NLRX1: variants seen among roughly 807,000 people sequenced by gnomAD.
NLRX1 encodes the protein NOD-like receptor X1.
A neutral mutation model predicts 74.2 loss-of-function variants in NLRX1; 67 were observed. That is an observed-to-expected ratio of 0.90 (90% confidence interval 0.74 to 1.11). The LOEUF (loss-of-function observed/expected upper bound fraction) is 1.11, where lower values mean the gene tolerates loss of function less well. NLRX1 is among the 50% of genes least tolerant of loss of function. The pLI is 0.00. For missense variants in NLRX1, 1,191 were observed against 1,305.4 expected (o/e 0.91, Z 1.35); for synonymous variants, 506 against 559.1 (o/e 0.91, Z 1.34).
At chr11:119,181,346 C>A in intron 8 of NLRX1, 89 bp downstream of exon 8, 3 of 972,728 alleles carry the variant, frequency 3.1e-6, no homozygotes, top group Non-Finnish European at 4.9e-6. Context: ...ACAGACCCAC[C>A]CAAGGGATAG....
At position 119,173,771 on chromosome 11, in the gene NLRX1, G is replaced by T. The variant is rs760878238; in HGVS notation, c.522G>T (p.Thr174=). The change falls in exon 5 of 10, where the codon ACG becomes ACT. Residue 174 remains threonine, a synonymous_variant. Coordinates refer to ENST00000409109, the MANE Select transcript of NLRX1 (RefSeq NM_001282144.2). This position sits in a 1 kb window ranked among gnomAD's most constrained non-coding sequence, Gnocchi z 4.0. ...GGACAGTGGGCACAGGCAAGAGCAC[G>T]CTGGTGCGCAAGATGGTTCTGGACT... The part of the protein sequence containing the change: ...LYGTVGTGKS[T]LVRKMVLDWC... 33 of 1,613,598 alleles carry T rather than the reference G, an allele frequency of 2.0e-5. No individual in the cohort carries two copies. The highest frequency in any genetic ancestry group is 2.5e-5 in the Non-Finnish European group (30 of 1,180,034).
intron 6 of NLRX1, among the ~76,000 whole-genome samples, chr11:119,175,923 A>C (rs982326570): frequency 6.6e-6 from 1 of 152,144 alleles, no homozygotes; most frequent in Admixed American, 6.6e-5. Context: ...ATCAGTGTTC[A>C]TCCTTTTGTT....
rs997481031 is a variant in NLRX1 at position 119,172,663 on chromosome 11, A to G, written c.140+238A>G. ...CTGTGGGAAGTGGGTGGAGCCTCAC[A>G]TGGCCAGCCTGAGTTCCAGGCGGGC... On this transcript the variant is annotated intron_variant, in intron 3 of 9. Transcript: ENST00000409109. 2.6e-5 allele frequency among the ~76,000 whole-genome samples: 4 copies of G among 152,154 alleles called. No homozygotes were observed. The East Asian group carries it at 7.7e-4, about 29-fold the overall frequency.
chr11:119,174,104 T>C lies in NLRX1; in HGVS notation c.849+6T>C, dbSNP rs1346870615. 1.9e-6 allele frequency: 3 copies of C among 1,612,722 alleles called. No individual in the cohort carries two copies. The Admixed American group carries it at 5.0e-5, about 27-fold the overall frequency. ...GCAAATACATGCTGCCTCAGGTGGG[T>C]GGCCCTTTACCCCAGGTTATCACTG... On this transcript the variant is annotated splice_donor_region_variant and intron_variant, in intron 5 of 9. Transcript: ENST00000409109.
At chr11:119,175,858 C>T (rs1345932938) in intron 6 of NLRX1, among the ~76,000 whole-genome samples, 5 of 152,124 alleles carry the variant, frequency 3.3e-5, no homozygotes, top group Non-Finnish European at 5.9e-5. Flanking sequence ...CACAGCTGAG[C>T]GAGGTCTTTG....
At position 119,172,362 on chromosome 11, in the gene NLRX1, G is replaced by A. The variant is rs60612369; in HGVS notation, c.77G>A (p.Arg26His). ...TTCTTCCTTCTCTCTGTAGATGATC[G>A]TATCCCCTTCCTGATCCACTGGAGT... is the stretch of plus-strand genomic sequence containing the variant. ...FRRALQRPDD[R>H]IPFLIHWSWP... Residue 26 changes from arginine to histidine, a missense_variant, in exon 3 of 10, where the codon CGT becomes CAT. Coordinates refer to ENST00000409109, the MANE Select transcript of NLRX1 (RefSeq NM_001282144.2). The A allele has an allele frequency of 1.5e-3, 2,350 of 1,613,108 alleles. 40 individuals are homozygous for A. The African/African-American group carries it at 0.028, about 19-fold the overall frequency.
chr11:119,179,941 T>C lies in NLRX1; in HGVS notation c.1920T>C (p.Ala640=). 4 of 1,613,218 alleles carry C rather than the reference T, an allele frequency of 2.5e-6. No individual in the cohort carries two copies. The South Asian group carries it at 4.4e-5, about 18-fold the overall frequency. Residue 640 remains alanine, a synonymous_variant, in exon 7 of 10, where the codon GCT becomes GCC. Coordinates refer to ENST00000409109, the MANE Select transcript of NLRX1 (RefSeq NM_001282144.2). ...LLSAHNRAVL[A]QLGCPIKNLD... ...CTGCCCACAACCGAGCTGTGCTAGC[T>C]CAGCTTGGCTGCCCCATCAAGAACC...
Position 119,174,868 on chromosome 11 carries a change from T to C in NLRX1, c.1265T>C (p.Met422Thr), listed in dbSNP as rs754620499. 5 of 1,613,962 alleles carry C rather than the reference T, an allele frequency of 3.1e-6. No homozygotes were observed. The highest frequency in any genetic ancestry group is 4.2e-6 in the Non-Finnish European group (5 of 1,180,046). The change falls in exon 6 of 10, where the codon ATG (methionine) becomes ACG (threonine). Residue 422 changes from methionine to threonine, a missense_variant. By Grantham distance (81) the Met-to-Thr change is moderately conservative. Transcript: ENST00000409109. ...DSTDPSNLSL[M>T]AYAARTMGKL... The stretch of plus-strand genomic sequence containing the variant: ...ACTGACCCCTCCAATTTGTCCCTGA[T>C]GGCCTATGCAGCCCGAACCATGGGC...
rs1565835993 is a variant in NLRX1, at chr11:119,182,385, G to A, written c.2606+40G>A. On this transcript the variant is annotated intron_variant, in intron 9 of 9. Transcript: ENST00000409109. ...TGGTCCCATTGCCCCCAGCCCTTCA[G>A]ACTACTTCCCTCTCTCAACTGTGCT... 6.9e-6 allele frequency: 11 copies of A among 1,590,658 alleles called. No homozygotes were observed. The Admixed American group carries it at 1.7e-4, about 24-fold the overall frequency.
At position 119,174,971 on chromosome 11, in the gene NLRX1, C is replaced by T; in HGVS notation, c.1368C>T (p.Gly456=). The change falls in exon 6 of 10, where the codon GGC becomes GGT. Residue 456 remains glycine (G), a synonymous_variant. Coordinates refer to ENST00000409109, the MANE Select transcript of NLRX1 (RefSeq NM_001282144.2). ...ATGTCTGTGGCTGCCTGGAGGCTGG[C>T]ATCAGGACGGAGGAGGAGTTTCAGC... ...EEDVCGCLEA[G]IRTEEEFQLL... 1 of 1,614,070 alleles carries T rather than the reference C, an allele frequency of 6.2e-7. No homozygotes were observed. The highest frequency in any genetic ancestry group is 1.3e-5 in the African/African-American group (1 of 75,066).
Position 119,183,849 on chromosome 11 carries a change from C to T in NLRX1, c.*410C>T, listed in dbSNP as rs774595450. 5.1e-6 allele frequency: 4 copies of T among 780,884 alleles called. No homozygotes were observed. The highest frequency in any genetic ancestry group is 9.6e-6 in the Non-Finnish European group (4 of 417,978). 48.4% of individuals were successfully genotyped at this position (780,884 alleles called of 1,614,324 possible). On this transcript the variant is annotated 3_prime_UTR_variant, in exon 10 of 10. Transcript: ENST00000409109. This position sits in a 1 kb window ranked among gnomAD's most constrained non-coding sequence, Gnocchi z 5.7. ...TGTCGCCATCCAGATGTGTTGGAAG[C>T]TTCCCCTCCTGCCTTATGCTCACCT...
chr11:119,179,081 G>T (rs774791953), intron 6 of NLRX1, among the ~76,000 whole-genome samples: 4 of 152,216 alleles, frequency 2.6e-5, no homozygotes, highest in African/African-American at 7.2e-5. Context: ...GGCTTGTGAT[G>T]AAGGCATCGT....
Position 119,180,201 on chromosome 11 carries a change from T to C in NLRX1, c.2180T>C (p.Leu727Pro). The C allele has an allele frequency of 6.2e-7, 1 of 1,612,064 alleles. No homozygotes were observed. Among genetic ancestry groups the C allele is most frequent in the South Asian group, 1.1e-5 (1 of 91,052 alleles). The change falls in exon 7 of 10, where the codon CTG becomes CCG. Residue 727 changes from leucine (L) to proline (P), a missense_variant. Coordinates refer to ENST00000409109, the MANE Select transcript of NLRX1 (RefSeq NM_001282144.2). Reference protein sequence around the residue: ...AAVLGSGRHALDEVNLASCQL... With the variant: ...AAVLGSGRHAPDEVNLASCQL... The stretch of plus-strand genomic sequence containing the variant: ...GTGCTGGGCAGCGGAAGGCATGCCC[T>C]GGATGAGGTGAACTTGGCCTCCTGC...
chr11:119,173,355 A>T lies in NLRX1; in HGVS notation c.230-124A>T. On this transcript the variant is annotated intron_variant, in intron 4 of 9. Coordinates refer to ENST00000409109, the MANE Select transcript of NLRX1 (RefSeq NM_001282144.2). This position sits in a 1 kb window ranked among gnomAD's most constrained non-coding sequence, Gnocchi z 4.0. ...TTTTCTCAGGGAGTCTTGTGTGCCC[A>T]CCATTGTGGGCCCCAGCATCTATGC... The T allele has an allele frequency of 9.5e-7, 1 of 1,050,380 alleles. No homozygotes were observed. Among genetic ancestry groups the T allele is most frequent in the Non-Finnish European group, 1.4e-6 (1 of 722,866 alleles). 65.1% of individuals were successfully genotyped at this position (1,050,380 alleles called of 1,614,324 possible). A position where few individuals can be genotyped will look rare whatever the true frequency, so the allele number is the denominator to read the frequency against.
intron 6 of NLRX1, 67 bp from the exon 7 acceptor site, chr11:119,179,626 A>C: frequency 7.0e-7 from 1 of 1,419,260 alleles, no homozygotes. Context: ...GTGTACCTTA[A>C]GCTGAACCTT....
chr11:119,178,371 G>A (rs557059701), intron 6 of NLRX1, among the ~76,000 whole-genome samples: 2 of 152,318 alleles, frequency 1.3e-5, no homozygotes, highest in African/African-American at 4.8e-5. Context: ...GCCAGGCAAT[G>A]TGTTAGAATC....
rs571927809 is a variant in NLRX1 at position 119,173,378 on chromosome 11, T to C, written c.230-101T>C. The stretch of plus-strand genomic sequence containing the variant: ...CCACCATTGTGGGCCCCAGCATCTA[T>C]GCCGTGATGTCCCAGCCTGACCTCA... On this transcript the variant is annotated intron_variant, in intron 4 of 9. Transcript: ENST00000409109. This position sits in a 1 kb window ranked among gnomAD's most constrained non-coding sequence, Gnocchi z 4.0. 74 of 1,276,912 alleles carry C rather than the reference T, an allele frequency of 5.8e-5. No homozygotes were observed. The Middle Eastern group carries it at 8.0e-4, about 14-fold the overall frequency. The allele number at this position is 1,276,912 out of a possible 1,614,324, so 79.1% of individuals were successfully genotyped here.
At chr11:119,182,695 TG>T (rs1948870230) in intron 9 of NLRX1, among the ~76,000 whole-genome samples, 1 of 152,086 alleles carries the variant, frequency 6.6e-6, no homozygotes, top group African/African-American at 2.4e-5. Flanking sequence ...AAGACCAGTC[TG>T]GCCAACATGG....
rs1948597609 is a variant in NLRX1 at position 119,173,121 on chromosome 11, T to C, written c.229+132T>C. The C allele has an allele frequency of 1.4e-6, 1 of 696,748 alleles. No homozygotes were observed. Among genetic ancestry groups the C allele is most frequent in the Admixed American group, 2.1e-5 (1 of 46,682 alleles). The allele number at this position is 696,748 out of a possible 1,614,324, so 43.2% of individuals were successfully genotyped here. On this transcript the variant is annotated intron_variant, in intron 4 of 9. Transcript: ENST00000409109. This position sits in a 1 kb window ranked among gnomAD's most constrained non-coding sequence, Gnocchi z 4.0. ...GGTGGTCCCTCCTCCTCTCTCTCTC[T>C]CCCTCCCATCCGTCTATGTATCCCT...
Sources: allele counts gnomAD v4.1 joint callset (sites outside exome capture counted in the v4.1 genomes callset), GRCh38; gene constraint gnomAD v4.1.1; non-coding constraint Gnocchi (gnomAD v3.1); transcripts MANE v1.5; gene names NCBI Gene and HGNC (gene_info 2026-07-23, HGNC 2026-07-21).